Variants in WAC observed in about 807,000 individuals in gnomAD.
WAC encodes WW domain containing adaptor with coiled-coil, also known as WW domain-containing adapter protein with coiled-coil.
A neutral mutation model predicts 79.6 loss-of-function variants in WAC; 11 were observed. That is an observed-to-expected ratio of 0.14 (90% CI 0.09 to 0.23). WAC has a LOEUF of 0.23. WAC is among the 10% of genes least tolerant of loss of function. WAC has a pLI of 1.00. For synonymous variants in WAC, 304 were observed against 276.9 expected (o/e 1.10, Z -0.97); for missense variants, 728 against 773.5 (o/e 0.94, Z 0.70).
intron 7 of WAC, among the ~76,000 whole-genome samples, chr10:28,601,027 G>A (rs913498199): frequency 1.3e-5 from 2 of 151,732 alleles, no homozygotes; most frequent in African/African-American, 2.4e-5. Context: ...TATTGGAGTT[G>A]GCCATGATTT....
intron 7 of WAC, among the ~76,000 whole-genome samples, chr10:28,604,464 G>T (rs1205876986): frequency 6.6e-6 from 1 of 152,124 alleles, no homozygotes. Context: ...CGGCGTGGTG[G>T]CTCATGCCTG....
rs1837745236 is a variant in WAC at position 28,552,663 on chromosome 10, T to C, written c.274+16906T>C. Among the ~76,000 whole-genome samples, 3 of 152,180 alleles carry C rather than the reference T, an allele frequency of 2.0e-5. No individual in the cohort carries two copies. The South Asian group carries it at 6.2e-4, about 31-fold the overall frequency. ...ACTGGATTCTAATGTGTATGAGGAA[T>C]TTCCTTTTTGGGTTTGGATATTATG... On this transcript the variant is annotated intron_variant, in intron 3 of 13. Coordinates refer to ENST00000354911, the MANE Select transcript of WAC (RefSeq NM_016628.5).
intron 3 of WAC, among the ~76,000 whole-genome samples, chr10:28,539,789 T>G (rs1836906999): frequency 6.6e-6 from 1 of 152,016 alleles, no homozygotes; most frequent in African/African-American, 2.4e-5. Flanking sequence ...AATCTCCTGC[T>G]CTCAAGTGAT....
At chr10:28,561,648 C>T (rs1043709505) in intron 3 of WAC, among the ~76,000 whole-genome samples, 3 of 152,002 alleles carry the variant, frequency 2.0e-5, no homozygotes, top group East Asian at 1.9e-4. Flanking sequence ...TTTGAAACCC[C>T]GGCGTCTTTA....
Position 28,535,593 on chromosome 10 carries a change from G to T in WAC, c.110G>T (p.Ser37Ile), listed in dbSNP as rs755065646. The change falls in exon 3 of 14, where the codon AGT becomes ATT. Residue 37 changes from serine to isoleucine, a missense_variant. Ser to Ile is a moderately radical substitution (Grantham distance 142). This residue lies in a region of WAC where 648 missense variants were observed against 661.5 expected (regional missense o/e 0.98). Coordinates refer to ENST00000354911, the MANE Select transcript of WAC (RefSeq NM_016628.5). ...AAGTATTCATCGAAGAGTCACCCCA[G>T]TAGCGGTGATCACAGACATGAAAAG... ...ALKYSSKSHP[S>I]SGDHRHEKMR... 5 of 1,613,832 alleles carry T rather than the reference G, an allele frequency of 3.1e-6. No homozygotes were observed. Among genetic ancestry groups the T allele is most frequent in the Non-Finnish European group, 4.2e-6 (5 of 1,179,922 alleles).
chr10:28,590,671 C>T (rs1564404885), intron 5 of WAC, 49 bp from the exon 6 acceptor site: 1 of 1,476,236 alleles, frequency 6.8e-7, no homozygotes, highest in Non-Finnish European at 9.2e-7. Flanking sequence ...TATGGAAACT[C>T]ATGCCCTTAA....
intron 3 of WAC, among the ~76,000 whole-genome samples, chr10:28,553,545 C>T (rs332124): frequency 0.84 from 127,241 of 152,106 alleles, 53,341 homozygotes; most frequent in East Asian, 0.94. Flanking sequence ...TTTTCTTTTT[C>T]CCTTAAGGCA....
At chr10:28,603,933 C>CAAAAAAAAAAAAAAAAAAAAAAA (rs1312613029) in intron 7 of WAC, among the ~76,000 whole-genome samples, 1 of 17,986 alleles carries the variant, frequency 5.6e-5, no homozygotes, top group African/African-American at 2.5e-4. Context: ...GACTCCGTCT[C>CAAAAAAAAAAAAAAAAAAAAAAA]AAAAAAAAAA....
At chr10:28,552,580 C>G (rs1390539376) in intron 3 of WAC, among the ~76,000 whole-genome samples, 1 of 152,026 alleles carries the variant, frequency 6.6e-6, no homozygotes, top group East Asian at 1.9e-4. Flanking sequence ...GGAATTACAC[C>G]AAATAAAATT....
At chr10:28,570,172 A>G (rs1342069581) in intron 3 of WAC, among the ~76,000 whole-genome samples, 1 of 152,202 alleles carries the variant, frequency 6.6e-6, no homozygotes, top group Non-Finnish European at 1.5e-5. Context: ...TCTCTCTTTA[A>G]TACCACATAT....
intron 3 of WAC, among the ~76,000 whole-genome samples, chr10:28,565,634 CTGT>C (rs1838559583): frequency 6.6e-6 from 1 of 152,150 alleles, no homozygotes; most frequent in Non-Finnish European, 1.5e-5. Context: ...CTGTTTTTAT[CTGT>C]TGTCTTCTCA....
rs1232292253 is a variant in WAC, at chr10:28,616,381, A to G, written c.1746+19A>G. ...GAAGCAGGTATGTTATGTACAGCCT[A>G]GATTTTACCTTTGGATGATTAGCAA... On this transcript the variant is annotated intron_variant, in intron 12 of 13. Transcript: ENST00000354911. 1 of 1,508,968 alleles carries G rather than the reference A, an allele frequency of 6.6e-7. No individual in the cohort carries two copies. Among genetic ancestry groups the G allele is most frequent in the Non-Finnish European group, 8.9e-7 (1 of 1,120,496 alleles). The allele number at this position is 1,508,968 out of a possible 1,614,324, so 93.5% of individuals were successfully genotyped here.
chr10:28,555,960 C>G (rs1488956376), intron 3 of WAC, among the ~76,000 whole-genome samples: 1 of 152,100 alleles, frequency 6.6e-6, no homozygotes, highest in Admixed American at 6.5e-5. Context: ...ACTAGGACAC[C>G]AGCCAAGCAG....
Position 28,595,908 on chromosome 10 carries a change from T to C in WAC, c.786T>C (p.Thr262=). 2 of 1,614,186 alleles carry C rather than the reference T, an allele frequency of 1.2e-6. No individual in the cohort carries two copies. The highest frequency in any genetic ancestry group is 1.7e-6 in the Non-Finnish European group (2 of 1,180,024). Residue 262 remains threonine (T), a synonymous_variant, in exon 7 of 14, where the codon ACT becomes ACC. Coordinates refer to ENST00000354911, the MANE Select transcript of WAC (RefSeq NM_016628.5). ...TTCATCCAACTGCTACCCCAAGCAC[T>C]GTTCCTTCTAGTCCATTTACGCTAC... ...PVVHPTATPS[T]VPSSPFTLQS... is the part of the protein sequence containing the mutation.
chr10:28,587,224 A>C (rs766073447), intron 4 of WAC, among the ~76,000 whole-genome samples: 1 of 152,260 alleles, frequency 6.6e-6, no homozygotes, highest in African/African-American at 2.4e-5. Flanking sequence ...TAACATATGT[A>C]ACATCTTTGT....
chr10:28,599,726 A>C (rs913709091), intron 7 of WAC, among the ~76,000 whole-genome samples: 1 of 152,220 alleles, frequency 6.6e-6, no homozygotes, highest in African/African-American at 2.4e-5. Flanking sequence ...TGCCTGCATG[A>C]GTAGTCAGAA....
intron 3 of WAC, among the ~76,000 whole-genome samples, chr10:28,553,091 A>G (rs1237839549): frequency 2.0e-5 from 3 of 152,044 alleles, no homozygotes; most frequent in African/African-American, 7.2e-5. Flanking sequence ...ATTTTCCCCC[A>G]ATGTTCATTT....
chr10:28,608,820 T>A (rs1841085425), intron 8 of WAC, among the ~76,000 whole-genome samples: 1 of 152,312 alleles, frequency 6.6e-6, no homozygotes, highest in South Asian at 2.1e-4. Flanking sequence ...TTACTCAGAA[T>A]ATTTAAAATA....
At chr10:28,569,272 T>C (rs751509619) in intron 3 of WAC, among the ~76,000 whole-genome samples, 6 of 152,202 alleles carry the variant, frequency 3.9e-5, no homozygotes, top group Non-Finnish European at 8.8e-5. Flanking sequence ...TTTATGAGAA[T>C]TTCGTTCTTG....
Sources: allele counts gnomAD v4.1 joint callset (sites outside exome capture counted in the v4.1 genomes callset), GRCh38; gene constraint gnomAD v4.1.1; regional missense constraint gnomAD v4.1.1; transcripts MANE v1.5; gene names NCBI Gene and HGNC (gene_info 2026-07-23, HGNC 2026-07-21).